The following SLC37A1 variants were observed in gnomAD, a reference collection of about 807,000 sequenced individuals.
SLC37A1 encodes the protein solute carrier family 37 member 1, also known as glucose-6-phosphate exchanger SLC37A1.
Under a neutral mutation model 75.3 loss-of-function variants are expected in SLC37A1, and 49 were observed. That is an observed-to-expected ratio of 0.65 (90% CI 0.52 to 0.83). The LOEUF (loss-of-function observed/expected upper bound fraction) is 0.83. Among genes scored for constraint, SLC37A1 ranks in the 40% least tolerant of loss-of-function variants. The pLI, the probability that SLC37A1 is intolerant of heterozygous loss-of-function variation, is 0.00. For missense variants in SLC37A1, 566 were observed against 695.0 expected (o/e 0.81, Z 2.09); for synonymous variants, 268 against 292.1 (o/e 0.92, Z 0.84).
intron 10 of SLC37A1, among the ~76,000 whole-genome samples, chr21:42,556,108 A>C (rs1014190086): frequency 6.6e-6 from 1 of 152,210 alleles, no homozygotes; most frequent in Non-Finnish European, 1.5e-5. Flanking sequence ...AGACATGTAA[A>C]GAAAGCTGGG....
At chr21:42,554,376 G>A (rs2055631162) in intron 10 of SLC37A1, among the ~76,000 whole-genome samples, 1 of 152,162 alleles carries the variant, frequency 6.6e-6, no homozygotes, top group Admixed American at 6.5e-5. Context: ...ACCTTTCAAT[G>A]TCCCAGGCAC....
intron 2 of SLC37A1, among the ~76,000 whole-genome samples, chr21:42,503,425 A>ATT (rs111367362): frequency 6.6e-6 from 1 of 150,728 alleles, no homozygotes; most frequent in African/African-American, 2.4e-5. Context: ...GATTTTTTGT[A>ATT]TTTTTTTTGT....
upstream of SLC37A1, among the ~76,000 whole-genome samples, chr21:42,512,365 G>T (rs2054444605): frequency 6.6e-6 from 1 of 152,180 alleles, no homozygotes; most frequent in African/African-American, 2.4e-5. Flanking sequence ...GGAATGACAA[G>T]ATCAGATTTT....
intron 1 of SLC37A1, among the ~76,000 whole-genome samples, chr21:42,501,912 T>C (rs969522087): frequency 2.6e-5 from 4 of 152,008 alleles, no homozygotes; most frequent in African/African-American, 9.7e-5. Context: ...CTTTTCAAGG[T>C]CTAAGGGTGG....
intron 5 of SLC37A1, among the ~76,000 whole-genome samples, chr21:42,536,791 C>T (rs987462390): frequency 2.0e-5 from 3 of 152,208 alleles, no homozygotes; most frequent in African/African-American, 7.2e-5. Context: ...CCTGAGAGCG[C>T]GGCCACTCAC....
At chr21:42,538,133 A>C (rs1283696654) in intron 5 of SLC37A1, among the ~76,000 whole-genome samples, 1 of 152,174 alleles carries the variant, frequency 6.6e-6, no homozygotes, top group Admixed American at 6.5e-5. Flanking sequence ...AGCCAGCAGC[A>C]CCCAGCTCTC....
intron 2 of SLC37A1, among the ~76,000 whole-genome samples, chr21:42,505,254 T>C (rs2054373901): frequency 6.6e-6 from 1 of 152,204 alleles, no homozygotes; most frequent in Non-Finnish European, 1.5e-5. Context: ...CAGCCTCTTC[T>C]CTTGCCTTAT....
chr21:42,508,128 T>C (rs1408589946), intron 2 of SLC37A1, among the ~76,000 whole-genome samples: 4 of 143,262 alleles, frequency 2.8e-5, no homozygotes, highest in African/African-American at 5.2e-5. Context: ...CGCTCTTTTT[T>C]TTTTTTTTTT....
At chr21:42,531,218 G>A (rs767338668) in intron 3 of SLC37A1, among the ~76,000 whole-genome samples, 6 of 151,824 alleles carry the variant, frequency 4.0e-5, no homozygotes, top group South Asian at 2.1e-4. Context: ...TCCCGGCCCC[G>A]CCGCCTTCCC....
chr21:42,514,998 G>T lies in SLC37A1; in HGVS notation c.-179+281G>T, dbSNP rs1277652988. On this transcript the variant is annotated intron_variant, in intron 1 of 19. Coordinates refer to ENST00000352133, the MANE Select transcript of SLC37A1 (RefSeq NM_001320537.2). This position sits in a 1 kb window ranked among gnomAD's most constrained non-coding sequence, Gnocchi z 4.8. The stretch of plus-strand genomic sequence containing the variant: ...TTTTATTAATCCCCTTTGAGAGCAA[G>T]CTTGAAAACACCTGGCCCCAGACCT... 2.6e-5 allele frequency: 4 copies of T among 152,240 alleles called. No individual in the cohort carries two copies. The highest frequency in any genetic ancestry group is 5.9e-5 in the Non-Finnish European group (4 of 68,096). The allele number at this position is 152,240 out of a possible 1,614,324, so 9.4% of individuals were successfully genotyped here.
At position 42,548,911 on chromosome 21, in the gene SLC37A1, G is replaced by A. The variant is rs548903549; in HGVS notation, c.768+1771G>A. On this transcript the variant is annotated intron_variant, in intron 9 of 19. Transcript: ENST00000352133. This position sits in a 1 kb window ranked among gnomAD's most constrained non-coding sequence, Gnocchi z 5.6. ...CTTTTTCTGTCTTTTCATACCTCGG[G>A]CTCCTGGGTGTGATTCATATGGAAA... Among the ~76,000 whole-genome samples, 4 of 152,244 alleles carry A rather than the reference G, an allele frequency of 2.6e-5. No homozygotes were observed. Among genetic ancestry groups the A allele is most frequent in the Admixed American group, 6.5e-5 (1 of 15,272 alleles).
intron 5 of SLC37A1, 54 bp downstream of exon 5, chr21:42,535,604 A>G: frequency 2.0e-6 from 3 of 1,490,208 alleles, no homozygotes; most frequent in Middle Eastern, 1.8e-4. Context: ...CCCTCCGTGC[A>G]GAGAAGACAT....
chr21:42,577,438 TCA>T (rs1476861385), intron 18 of SLC37A1, among the ~76,000 whole-genome samples: 3 of 152,256 alleles, frequency 2.0e-5, no homozygotes, highest in African/African-American at 7.2e-5. Context: ...TTTCTGACTC[TCA>T]GTTTAAAACA....
chr21:42,524,091 G>A (rs950071904), intron 2 of SLC37A1, among the ~76,000 whole-genome samples: 3 of 152,046 alleles, frequency 2.0e-5, no homozygotes, highest in Non-Finnish European at 4.4e-5. Flanking sequence ...TCTCGGAAAC[G>A]CTGCCTTTCT....
Position 42,518,496 on chromosome 21 carries a change from C to A in SLC37A1, c.42C>A (p.Phe14Leu), listed in dbSNP as rs1568983834. The part of the protein sequence containing the change: ...LPAGIRFIIS[F>L]SRDQWYRAFI... ...CTGGCATTCGCTTCATCATCTCATT[C>A]TCCAGGGATCAGTGGTGAGTCCTGG... The change falls in exon 2 of 20, where the codon TTC becomes TTA. Residue 14 changes from phenylalanine (F) to leucine (L), a missense_variant. Physicochemically the swap from Phe to Leu is conservative, Grantham distance 22. Transcript: ENST00000352133. The A allele has an allele frequency of 6.2e-7, 1 of 1,614,208 alleles. No individual in the cohort carries two copies. The highest frequency in any genetic ancestry group is 1.3e-5 in the African/African-American group (1 of 75,052).
At chr21:42,565,527 A>C (rs1464713544) in intron 14 of SLC37A1, among the ~76,000 whole-genome samples, 1 of 152,238 alleles carries the variant, frequency 6.6e-6, no homozygotes, top group African/African-American at 2.4e-5. Flanking sequence ...GAGCTCAAGA[A>C]GGCAGCCCCT....
At chr21:42,517,014 G>A (rs8130392) in intron 1 of SLC37A1, among the ~76,000 whole-genome samples, 2 of 152,188 alleles carry the variant, frequency 1.3e-5, no homozygotes, top group Admixed American at 6.5e-5. Flanking sequence ...TTCATTCAAC[G>A]TGAGTTTCTT....
At chr21:42,535,110 A>C (rs1397469658) in intron 4 of SLC37A1, among the ~76,000 whole-genome samples, 2 of 152,232 alleles carry the variant, frequency 1.3e-5, no homozygotes, top group African/African-American at 2.4e-5. Context: ...GGTGAGAAGA[A>C]GAGAGAGACA....
At chr21:42,555,992 C>T (rs988587141) in intron 10 of SLC37A1, among the ~76,000 whole-genome samples, 14 of 152,336 alleles carry the variant, frequency 9.2e-5, no homozygotes, top group African/African-American at 3.1e-4. Context: ...CCAGAGTGAC[C>T]GCTGGGCTCA....
Sources: gnomAD v4.1 joint callset for allele counts (sites outside exome capture counted in the v4.1 genomes callset) on GRCh38, gnomAD v4.1.1 for gene constraint, Gnocchi (gnomAD v3.1) non-coding constraint, MANE v1.5 for transcripts, NCBI Gene and HGNC (gene_info 2026-07-23, HGNC 2026-07-21) for gene names.